The following PDE1C variants were observed in gnomAD, a reference collection of about 807,000 sequenced individuals.
The protein encoded by PDE1C is dual specificity calcium/calmodulin-dependent 3',5'-cyclic nucleotide phosphodiesterase 1C.
PDE1C carries 62 observed loss-of-function variants against 93.1 expected under a neutral mutation model. The observed-to-expected ratio is 0.67, with a 90% confidence interval of 0.54 to 0.82. The LOEUF (loss-of-function observed/expected upper bound fraction) is 0.82, where lower values mean the gene tolerates loss of function less well. Among genes scored for constraint, PDE1C ranks in the 40% least tolerant of loss-of-function variants. The probability of loss-of-function intolerance (pLI) is 0.00; values close to 1 mark genes in which losing one functional copy is unlikely to be tolerated. For missense variants in PDE1C, 742 were observed against 884.6 expected, an observed-to-expected ratio of 0.84 and a Z score of 2.04; for synonymous variants, 325 against 310.1, an observed-to-expected ratio of 1.05 and a Z score of -0.50.
chr7:31,793,012 T>G (rs1437461322), intron 16 of PDE1C, among the ~76,000 whole-genome samples: 1 of 152,066 alleles, frequency 6.6e-6, no homozygotes, highest in Non-Finnish European at 1.5e-5. Context: ...AATCCTGAAG[T>G]GCAAATACAT....
chr7:32,140,472 T>A (rs1307771386), intron 3 of PDE1C, among the ~76,000 whole-genome samples: 1 of 152,236 alleles, frequency 6.6e-6, no homozygotes, highest in South Asian at 2.1e-4. Flanking sequence ...TAAAGTGATC[T>A]GCCTAGATGA....
At chr7:31,639,696 C>G in the PDE1C span, among the ~76,000 whole-genome samples, 1 of 151,856 alleles carries the variant, frequency 6.6e-6, no homozygotes, top group African/African-American at 2.4e-5. Context: ...GCCACCATGC[C>G]CGGCTAATTT....
At chr7:31,698,978 G>A in the PDE1C span, among the ~76,000 whole-genome samples, 2 of 152,160 alleles carry the variant, frequency 1.3e-5, no homozygotes, top group Non-Finnish European at 2.9e-5. Context: ...TGCCTACTAT[G>A]TGCCAGGCAC....
At chr7:31,740,072 A>G in the PDE1C span, among the ~76,000 whole-genome samples, 1 of 152,200 alleles carries the variant, frequency 6.6e-6, no homozygotes, top group Non-Finnish European at 1.5e-5. Flanking sequence ...GCCATGAAAT[A>G]CTGGCTGTGT....
intron 7 of PDE1C, among the ~76,000 whole-genome samples, chr7:31,852,346 A>T (rs1319547843): frequency 6.6e-6 from 1 of 152,248 alleles, no homozygotes; most frequent in Admixed American, 6.5e-5. Context: ...TACCTCAAAA[A>T]CACAAATTGA....
chr7:31,823,310 A>G, intron 13 of PDE1C, 62 bp from the exon 14 acceptor site: 2 of 1,421,268 alleles, frequency 1.4e-6, no homozygotes, highest in Non-Finnish European at 1.9e-6. Context: ...TCTGCCAATG[A>G]GCAAGCCCAG....
intron 1 of PDE1C, among the ~76,000 whole-genome samples, chr7:32,398,471 C>T (rs1292230609): frequency 1.3e-5 from 2 of 151,672 alleles, no homozygotes; most frequent in Non-Finnish European, 2.9e-5. Flanking sequence ...TGGCCACAAC[C>T]TCCACTACCT....
upstream of PDE1C, among the ~76,000 whole-genome samples, chr7:32,303,988 A>T (rs923251555): frequency 6.6e-6 from 1 of 152,164 alleles, no homozygotes; most frequent in Non-Finnish European, 1.5e-5. Context: ...TATAAGTGGA[A>T]ACTTTCTGCA....
chr7:31,677,282 A>G, the PDE1C span, among the ~76,000 whole-genome samples: 1,051 of 152,324 alleles, frequency 6.9e-3, 6 homozygotes, highest in South Asian at 0.021. Context: ...CACAGAAAAG[A>G]AGAAAAATTT....
At chr7:31,732,638 C>CTGTGTGTGTGTGTGTGTGTGTG in the PDE1C span, among the ~76,000 whole-genome samples, 7 of 144,200 alleles carry the variant, frequency 4.9e-5, no homozygotes, top group Non-Finnish European at 4.5e-5. Context: ...TCCTCTCTTT[C>CTGTGTGTGTGTGTGTGTGTGTG]TGTGTGTGTG....
At chr7:31,618,568 G>C in the PDE1C span, among the ~76,000 whole-genome samples, 1 of 152,186 alleles carries the variant, frequency 6.6e-6, no homozygotes, top group Admixed American at 6.5e-5. Flanking sequence ...GTTAGGAAAG[G>C]CTTTGAAACC....
the PDE1C span, among the ~76,000 whole-genome samples, chr7:31,642,520 T>C: frequency 6.6e-6 from 1 of 152,176 alleles, no homozygotes; most frequent in African/African-American, 2.4e-5. Context: ...CTGAGCCTCC[T>C]AGAGAGGAGG....
intron 1 of PDE1C, among the ~76,000 whole-genome samples, chr7:32,280,753 T>C (rs1811575846): frequency 6.6e-6 from 1 of 152,172 alleles, no homozygotes; most frequent in African/African-American, 2.4e-5. Context: ...TTTGGGAAGC[T>C]GAGGCGGGAG....
chr7:31,897,292 G>A (rs373750819), intron 2 of PDE1C, among the ~76,000 whole-genome samples: 22 of 152,286 alleles, frequency 1.4e-4, no homozygotes, highest in African/African-American at 4.8e-4. Context: ...AATTTAAAAC[G>A]AGACAGTTTT....
At chr7:31,962,484 C>T (rs1445722472) in intron 2 of PDE1C, among the ~76,000 whole-genome samples, 1 of 152,160 alleles carries the variant, frequency 6.6e-6, no homozygotes, top group Non-Finnish European at 1.5e-5. Flanking sequence ...GCTTCAACTG[C>T]TATCCCTACA....
intron 14 of PDE1C, among the ~76,000 whole-genome samples, chr7:31,819,206 C>A (rs1788650623): frequency 1.3e-5 from 2 of 152,196 alleles, no homozygotes; most frequent in Admixed American, 1.3e-4. Flanking sequence ...TCTGAGATAG[C>A]TGACATTAGT....
the PDE1C span, among the ~76,000 whole-genome samples, chr7:31,720,437 AAGCCTCC>A: frequency 6.6e-6 from 1 of 152,028 alleles, no homozygotes; most frequent in Non-Finnish European, 1.5e-5. Context: ...ACTCAGCCCC[AAGCCTCC>A]TGTGTCGAGT....
intron 3 of PDE1C, among the ~76,000 whole-genome samples, chr7:32,125,736 G>A (rs1253713288): frequency 6.6e-6 from 1 of 151,810 alleles, no homozygotes; most frequent in Non-Finnish European, 1.5e-5. Flanking sequence ...GGGGCGAGGG[G>A]AGGGAACTTA....
chr7:31,982,655 C>T (rs923481690), intron 2 of PDE1C, among the ~76,000 whole-genome samples: 8 of 151,406 alleles, frequency 5.3e-5, no homozygotes, highest in African/African-American at 1.2e-4. Flanking sequence ...GTGAATAAAA[C>T]GCAAAAAGTG....
Sources: gnomAD v4.1 joint callset for allele counts (sites outside exome capture counted in the v4.1 genomes callset) on GRCh38, gnomAD v4.1.1 for gene constraint, MANE v1.5 for transcripts, NCBI Gene and HGNC (gene_info 2026-07-23, HGNC 2026-07-21) for gene names.